Variants in MAPK9 observed in about 807,000 individuals in gnomAD.
MAPK9 encodes mitogen-activated protein kinase 9, also known as Jun kinase.
A neutral mutation model predicts 57.1 loss-of-function variants in MAPK9; 30 were observed. The observed-to-expected ratio is 0.53, with a 90% CI of 0.39 to 0.71. The LOEUF is 0.71. Ranked by LOEUF, MAPK9 falls within the 30% of genes least tolerant of loss-of-function variation. The pLI is 0.00. For missense variants in MAPK9, 362 were observed against 521.0 expected (o/e 0.69, Z 2.97); for synonymous variants, 155 against 177.0 (o/e 0.88, Z 0.99).
At chr5:180,275,595 T>C (rs912215800) in intron 2 of MAPK9, among the ~76,000 whole-genome samples, 4 of 152,336 alleles carry the variant, frequency 2.6e-5, no homozygotes, top group African/African-American at 7.2e-5. Flanking sequence ...CTCACTAGGC[T>C]TCTGTGCTTC....
intron 1 of MAPK9, among the ~76,000 whole-genome samples, chr5:180,282,541 A>C (rs1262771439): frequency 6.6e-6 from 1 of 152,244 alleles, no homozygotes; most frequent in Non-Finnish European, 1.5e-5. Flanking sequence ...AGGAGGCGGC[A>C]TCCGCCCTCA....
chr5:180,285,180 T>C (rs1420915751), intron 1 of MAPK9, among the ~76,000 whole-genome samples: 1 of 152,154 alleles, frequency 6.6e-6, no homozygotes, highest in Non-Finnish European at 1.5e-5. Context: ...TAACAACTAG[T>C]GAGAAGCATA....
intron 5 of MAPK9, among the ~76,000 whole-genome samples, chr5:180,251,301 C>G (rs1017643804): frequency 6.6e-6 from 1 of 152,096 alleles, no homozygotes; most frequent in African/African-American, 2.4e-5. Flanking sequence ...GCCGCAGGAG[C>G]AAGGAAGACA....
intron 7 of MAPK9, among the ~76,000 whole-genome samples, chr5:180,244,779 A>G (rs1255019889): frequency 1.2e-4 from 1 of 8,154 alleles, no homozygotes. Flanking sequence ...GTCTCAAAGG[A>G]AAAAAAAAAA....
chr5:180,283,591 T>A (rs759461633), intron 1 of MAPK9, among the ~76,000 whole-genome samples: 1 of 152,234 alleles, frequency 6.6e-6, no homozygotes, highest in South Asian at 2.1e-4. Flanking sequence ...TTTTTTAAAT[T>A]TGGGGAGTAT....
At chr5:180,275,676 C>G (rs1055300713) in intron 2 of MAPK9, among the ~76,000 whole-genome samples, 3 of 152,196 alleles carry the variant, frequency 2.0e-5, no homozygotes, top group Admixed American at 6.5e-5. Flanking sequence ...GCATGGGGGA[C>G]AGTGGGAATG....
chr5:180,251,532 C>G (rs528909423), intron 5 of MAPK9, among the ~76,000 whole-genome samples: 4 of 152,300 alleles, frequency 2.6e-5, no homozygotes, highest in African/African-American at 7.2e-5. Context: ...TGTGGGTGCT[C>G]TGTGTGGCCA....
intron 8 of MAPK9, 48 bp from the exon 9 acceptor site, chr5:180,241,203 C>T: frequency 6.5e-7 from 1 of 1,532,572 alleles, no homozygotes; most frequent in Non-Finnish European, 8.9e-7. Context: ...ATGAAACAAA[C>T]AGAATCATAC....
In MAPK9 at chr5:180,261,605, T is replaced by C. The variant is rs1223632971; in HGVS notation, c.450+79A>G. 3.1e-6 allele frequency: 4 copies of C among 1,298,256 alleles called. No individual in the cohort carries two copies. In the Admixed American group the frequency reaches 8.6e-5, roughly 28 times the overall value. 80.4% of individuals were successfully genotyped at this position (1,298,256 alleles called of 1,614,324 possible). On this transcript the variant is annotated intron_variant, in intron 5 of 11. Coordinates refer to ENST00000452135, the MANE Select transcript of MAPK9 (RefSeq NM_002752.5). ...GATTTTCAAGCCTAACAATTTTTTT[T>C]AAATGTTATTTTGTATGTAAAGGAT...
At chr5:180,291,204 T>C (rs1763198347) in intron 1 of MAPK9, among the ~76,000 whole-genome samples, 1 of 150,436 alleles carries the variant, frequency 6.6e-6, no homozygotes, top group Non-Finnish European at 1.5e-5. Context: ...AGCAGTCTTC[T>C]GGGGGAGGGG....
chr5:180,281,937 C>T (rs1236684789), intron 1 of MAPK9, among the ~76,000 whole-genome samples: 3 of 152,164 alleles, frequency 2.0e-5, no homozygotes, highest in African/African-American at 4.8e-5. Flanking sequence ...CAACCCGCAC[C>T]GCAGGAGTCT....
At chr5:180,268,874 T>C (rs972572945) in intron 3 of MAPK9, among the ~76,000 whole-genome samples, 3 of 151,306 alleles carry the variant, frequency 2.0e-5, no homozygotes, top group Non-Finnish European at 4.4e-5. Context: ...GCATGGTGGC[T>C]CACGCCTGTA....
intron 5 of MAPK9, chr5:180,257,787 T>C (rs1197552356): frequency 1.2e-5 from 2 of 169,726 alleles, no homozygotes; most frequent in African/African-American, 4.8e-5. Context: ...AAGGTAGTCA[T>C]TGTGGAGAAA....
chr5:180,268,594 GAGGC>G (rs1561827234), intron 3 of MAPK9, among the ~76,000 whole-genome samples: 1 of 150,060 alleles, frequency 6.7e-6, no homozygotes, highest in Non-Finnish European at 1.5e-5. Context: ...TTGGGAGGCT[GAGGC>G]TGGCGGACCA....
At position 180,264,777 on chromosome 5, in the gene MAPK9, T is replaced by A; in HGVS notation, c.311+4A>T. The A allele has an allele frequency of 6.4e-7, 1 of 1,570,120 alleles. No individual in the cohort carries two copies. Among genetic ancestry groups the A allele is most frequent in the Non-Finnish European group, 8.6e-7 (1 of 1,157,664 alleles). On this transcript the variant is annotated splice_donor_region_variant and intron_variant, in intron 4 of 11. Coordinates refer to ENST00000452135, the MANE Select transcript of MAPK9 (RefSeq NM_002752.5). The stretch of plus-strand genomic sequence containing the variant: ...GTGCATTACTGAATAAAAATGATAC[T>A]TACACATCTTGAAATTCTTCTAGAG...
chr5:180,268,827 C>CA (rs371158374), intron 3 of MAPK9, among the ~76,000 whole-genome samples: 3 of 125,050 alleles, frequency 2.4e-5, no homozygotes, highest in East Asian at 5.0e-4. Flanking sequence ...ACTCCGTCTC[C>CA]AAAAAAAAAG....
intron 5 of MAPK9, among the ~76,000 whole-genome samples, chr5:180,254,463 G>T (rs892770783): frequency 5.3e-5 from 8 of 152,158 alleles, no homozygotes; most frequent in African/African-American, 1.9e-4. Context: ...CTGTAAAAAG[G>T]AACTTTTAAG....
intron 4 of MAPK9, among the ~76,000 whole-genome samples, chr5:180,262,242 A>G (rs143865470): frequency 2.3e-4 from 35 of 152,226 alleles, no homozygotes; most frequent in African/African-American, 7.7e-4. Context: ...CCTCCCGCTC[A>G]ATTTTGCTGT....
At chr5:180,267,510 T>G (rs145825363) in intron 3 of MAPK9, among the ~76,000 whole-genome samples, 19 of 138,524 alleles carry the variant, frequency 1.4e-4, no homozygotes, top group African/African-American at 4.4e-4. Context: ...TGCAGTGAGC[T>G]GAGATCGCGC....
Sources: allele counts gnomAD v4.1 joint callset (sites outside exome capture counted in the v4.1 genomes callset), GRCh38; gene constraint gnomAD v4.1.1; transcripts MANE v1.5; gene names NCBI Gene and HGNC (gene_info 2026-07-23, HGNC 2026-07-21).